Variants in PEX2 observed in about 807,000 individuals in gnomAD.
PEX2 encodes the protein peroxisomal biogenesis factor 2.
A neutral mutation model predicts 25.2 loss-of-function variants in PEX2; 19 were observed. The ratio of observed to expected loss-of-function variants is 0.75; its 90% CI spans 0.53 to 1.10. The LOEUF (loss-of-function observed/expected upper bound fraction) is 1.10. PEX2 is among the 50% of genes least tolerant of loss of function. PEX2 has a pLI of 0.00. For synonymous variants in PEX2, 141 were observed against 127.7 expected (o/e 1.10, Z -0.70); for missense variants, 347 against 350.6 (o/e 0.99, Z 0.08).
intron 2 of PEX2, among the ~76,000 whole-genome samples, chr8:76,987,526 C>T (rs1807041670): frequency 6.6e-6 from 1 of 152,050 alleles, no homozygotes; most frequent in African/African-American, 2.4e-5. Flanking sequence ...CGGGAAGCCC[C>T]CAATAGTGGT....
chr8:76,999,657 G>A (rs1203783747), intron 1 of PEX2: 2 of 363,994 alleles, frequency 5.5e-6, no homozygotes, highest in Non-Finnish European at 1.1e-5. Context: ...GTTTATAAGA[G>A]GTAAATATCT....
chr8:76,997,720 AAAG>A (rs1436604570), intron 1 of PEX2, among the ~76,000 whole-genome samples: 1 of 152,242 alleles, frequency 6.6e-6, no homozygotes, highest in African/African-American at 2.4e-5. Flanking sequence ...TGTCTGATAA[AAAG>A]AAAATATATT....
In PEX2 at chr8:76,983,388, C is replaced by A; in HGVS notation, c.791G>T (p.Cys264Phe). 1 of 1,614,076 alleles carries A rather than the reference C, an allele frequency of 6.2e-7. No homozygotes were observed. Residue 264 changes from cysteine to phenylalanine, a missense_variant, in exon 4 of 4, where the codon TGT becomes TTT. Coordinates refer to ENST00000357039, the MANE Select transcript of PEX2 (RefSeq NM_000318.3). ...PHTIGCEHIF[C>F]YFCAKSSFLF... ...GAAACTACTCTTAGCACAGAAATAA[C>A]AGAAAATATGCTCACATCCTATGGT...
chr8:76,999,387 G>C (rs1807428216), intron 1 of PEX2, among the ~76,000 whole-genome samples: 1 of 151,790 alleles, frequency 6.6e-6, no homozygotes, highest in African/African-American at 2.4e-5. Flanking sequence ...TTTAATTTAA[G>C]AACCCAGGAA....
chr8:76,998,681 C>T (rs1032364186), intron 1 of PEX2, among the ~76,000 whole-genome samples: 4 of 152,114 alleles, frequency 2.6e-5, no homozygotes, highest in African/African-American at 9.7e-5. Flanking sequence ...AAGCGGAACA[C>T]CTAAATGGCT....
chr8:76,998,743 G>C (rs918866432), intron 1 of PEX2, among the ~76,000 whole-genome samples: 2 of 152,036 alleles, frequency 1.3e-5, no homozygotes, highest in African/African-American at 4.8e-5. Flanking sequence ...CTCCCTGCAC[G>C]GCTCCAGAAA....
chr8:76,981,659 T>C lies in PEX2; in HGVS notation c.*1602A>G, dbSNP rs557330187. On this transcript the variant is annotated 3_prime_UTR_variant, in exon 4 of 4. Transcript: ENST00000357039. ...AAAAAATGCTATTTTTTATGCATTATAATAATTTTGTAAATAAGAAATGTA... is the reference window on the plus strand; with the variant it reads ...AAAAAATGCTATTTTTTATGCATTACAATAATTTTGTAAATAAGAAATGTA... 3.3e-5 allele frequency: 5 copies of C among 152,164 alleles called. No homozygotes were observed. Among genetic ancestry groups the C allele is most frequent in the Admixed American group, 6.5e-5 (1 of 15,282 alleles). 9.4% of individuals were successfully genotyped at this position (152,164 alleles called of 1,614,324 possible). A position where few individuals can be genotyped will look rare whatever the true frequency, so the allele number is the denominator to read the frequency against.
At chr8:76,985,215 A>T (rs1299887104) in intron 3 of PEX2, among the ~76,000 whole-genome samples, 2 of 151,870 alleles carry the variant, frequency 1.3e-5, no homozygotes, top group African/African-American at 2.4e-5. Flanking sequence ...TAGTTGCTAA[A>T]ATGGACCTCA....
chr8:76,994,890 T>G (rs1238131205), intron 1 of PEX2, among the ~76,000 whole-genome samples: 2 of 152,198 alleles, frequency 1.3e-5, no homozygotes, highest in Non-Finnish European at 2.9e-5. Context: ...ACATCTTAAG[T>G]TTTGAACCTA....
At position 76,981,332 on chromosome 8, in the gene PEX2, T is replaced by C. The variant is rs1161778712; in HGVS notation, c.*1929A>G. On this transcript the variant is annotated 3_prime_UTR_variant, in exon 4 of 4. Transcript: ENST00000357039. Reference sequence around the variant, plus strand: ...CAAAAATTAGCCAGGCATGGTGGTATGGGCCTGTGGTCCCAGCAACTTGGG... The same window carrying C: ...CAAAAATTAGCCAGGCATGGTGGTACGGGCCTGTGGTCCCAGCAACTTGGG... 3 of 152,102 alleles carry C rather than the reference T, an allele frequency of 2.0e-5. No individual in the cohort carries two copies. Among genetic ancestry groups the C allele is most frequent in the African/African-American group, 7.2e-5 (3 of 41,398 alleles). The allele number at this position is 152,102 out of a possible 1,614,324, so 9.4% of individuals were successfully genotyped here.
Position 76,983,775 on chromosome 8 carries a change from A to G in PEX2, c.404T>C (p.Val135Ala), listed in dbSNP as rs549932565. Residue 135 changes from valine (V) to alanine (A), a missense_variant, in exon 4 of 4, where the codon GTC (valine) becomes GCC (alanine). Physicochemically the swap from Val to Ala is moderately conservative, Grantham distance 64. Coordinates refer to ENST00000357039, the MANE Select transcript of PEX2 (RefSeq NM_000318.3). ...RNHHLASFGK[V>A]KQCVNFVIGL... ...AATCACAAAATTCACACACTGCTTGACTTTCCCAAATGATGCTAAATGATG... is the reference window on the plus strand; with the variant it reads ...AATCACAAAATTCACACACTGCTTGGCTTTCCCAAATGATGCTAAATGATG... 88 of 1,614,002 alleles carry G rather than the reference A, an allele frequency of 5.5e-5. No homozygotes were observed. Among genetic ancestry groups the G allele is most frequent in the Non-Finnish European group, 7.2e-5 (85 of 1,180,036 alleles).
In PEX2 at chr8:76,984,113, T is replaced by G. The variant is rs572094828; in HGVS notation, c.66A>C (p.Ala22=). 5 of 1,613,814 alleles carry G rather than the reference T, an allele frequency of 3.1e-6. No individual in the cohort carries two copies. The African/African-American group carries it at 4.0e-5, about 13-fold the overall frequency. The change falls in exon 4 of 4, where the codon GCA becomes GCC. Residue 22 remains alanine, a synonymous_variant. Coordinates refer to ENST00000357039, the MANE Select transcript of PEX2 (RefSeq NM_000318.3). Reference sequence around the variant, plus strand: ...GCTCCAGGGCCTTGTTTAGTTCAAGTGCATCCAACTGGCTTATTCTTAGCA... The same window carrying G: ...GCTCCAGGGCCTTGTTTAGTTCAAGGGCATCCAACTGGCTTATTCTTAGCA... ...NRVLRISQLD[A]LELNKALEQL... is the part of the protein sequence containing the mutation.
chr8:76,999,158 G>C (rs1807422442), intron 1 of PEX2, among the ~76,000 whole-genome samples: 1 of 152,058 alleles, frequency 6.6e-6, no homozygotes, highest in Non-Finnish European at 1.5e-5. Context: ...AACACTTTAG[G>C]GGAAGGTGTT....
At position 77,000,053 on chromosome 8, in the gene PEX2, T is replaced by C. The variant is rs1201607799; in HGVS notation, c.-223A>G. The C allele has an allele frequency of 2.3e-6, 1 of 433,814 alleles. No individual in the cohort carries two copies. The highest frequency in any genetic ancestry group is 1.6e-5 in the South Asian group (1 of 61,366). The allele number at this position is 433,814 out of a possible 1,614,324, so 26.9% of individuals were successfully genotyped here. On this transcript the variant is annotated 5_prime_UTR_variant, in exon 1 of 4. Coordinates refer to ENST00000357039, the MANE Select transcript of PEX2 (RefSeq NM_000318.3). ...TCTCTGAAACATTCTCTGGAAAGCT[T>C]GTCTTTTCCTAGCCGAATCTGGATT...
intron 1 of PEX2, among the ~76,000 whole-genome samples, chr8:76,999,224 G>A (rs1242623809): frequency 6.6e-6 from 1 of 152,116 alleles, no homozygotes; most frequent in African/African-American, 2.4e-5. Context: ...TGTCCGAAAC[G>A]TCAAGATAAA....
At chr8:76,999,478 T>A (rs1365186080) in intron 1 of PEX2, among the ~76,000 whole-genome samples, 1 of 152,248 alleles carries the variant, frequency 6.6e-6, no homozygotes, top group Non-Finnish European at 1.5e-5. Flanking sequence ...AGCAATTTTA[T>A]CAGAAACTTT....
intron 1 of PEX2, among the ~76,000 whole-genome samples, chr8:76,989,524 T>C (rs1342509398): frequency 6.6e-6 from 1 of 152,096 alleles, no homozygotes; most frequent in Non-Finnish European, 1.5e-5. Context: ...GCTTAAGAAA[T>C]GTAGTTCTTA....
At chr8:76,996,206 G>A (rs1295916635) in intron 1 of PEX2, among the ~76,000 whole-genome samples, 1 of 152,188 alleles carries the variant, frequency 6.6e-6, no homozygotes, top group Admixed American at 6.5e-5. Context: ...GTGCTAACAA[G>A]TGACTACTAT....
intron 1 of PEX2, among the ~76,000 whole-genome samples, chr8:76,993,036 A>T (rs1264131701): frequency 6.6e-6 from 1 of 152,176 alleles, no homozygotes; most frequent in Admixed American, 6.5e-5. Flanking sequence ...TTGCACCATG[A>T]GCTACATCCT....
Sources: allele counts gnomAD v4.1 joint callset (sites outside exome capture counted in the v4.1 genomes callset), GRCh38; gene constraint gnomAD v4.1.1; transcripts MANE v1.5; gene names NCBI Gene and HGNC (gene_info 2026-07-23, HGNC 2026-07-21).